Variants in PDE8B observed in about 807,000 individuals in gnomAD.
PDE8B encodes phosphodiesterase 8B.
PDE8B carries 26 observed loss-of-function variants against 101.3 expected under a neutral mutation model. That is an observed-to-expected ratio of 0.26 (90% CI 0.19 to 0.36). The LOEUF (loss-of-function observed/expected upper bound fraction) is 0.36, where lower values mean the gene tolerates loss of function less well. PDE8B is among the 10% of genes least tolerant of loss of function. The pLI is 1.00. For synonymous variants in PDE8B, 424 were observed against 429.3 expected (o/e 0.99, Z 0.15); for missense variants, 810 against 1,163.1 (o/e 0.70, Z 4.42).
At chr5:77,269,439 G>T (rs1419061694) in intron 1 of PDE8B, among the ~76,000 whole-genome samples, 1 of 152,102 alleles carries the variant, frequency 6.6e-6, no homozygotes, top group African/African-American at 2.4e-5. Flanking sequence ...TCTTCACTTT[G>T]TTGATTGTTT....
chr5:77,290,542 C>T (rs902310496), intron 1 of PDE8B: 66 of 1,480,430 alleles, frequency 4.5e-5, no homozygotes, highest in Non-Finnish European at 5.8e-5. Flanking sequence ...ATTGACGATG[C>T]CTTGTGGGAG....
At chr5:77,389,660 C>T (rs1041312690) in intron 10 of PDE8B, among the ~76,000 whole-genome samples, 1 of 152,154 alleles carries the variant, frequency 6.6e-6, no homozygotes, top group Non-Finnish European at 1.5e-5. Context: ...CCATCCTGCT[C>T]GCCCCCAGAG....
chr5:77,103,154 C>T, the PDE8B span, among the ~76,000 whole-genome samples: 1 of 152,294 alleles, frequency 6.6e-6, no homozygotes, highest in Non-Finnish European at 1.5e-5. Context: ...GGGAGTCAAG[C>T]ACATTGATCT....
At chr5:77,416,223 C>T (rs975808994) in intron 17 of PDE8B, among the ~76,000 whole-genome samples, 2 of 152,200 alleles carry the variant, frequency 1.3e-5, no homozygotes, top group African/African-American at 4.8e-5. Context: ...GAAGGAAAGG[C>T]ATGTTTCATC....
intron 9 of PDE8B, among the ~76,000 whole-genome samples, chr5:77,353,042 A>G (rs1035627951): frequency 3.3e-5 from 5 of 152,252 alleles, no homozygotes; most frequent in Admixed American, 2.6e-4. Context: ...TTGTAGCAGC[A>G]TTTTATCCTA....
In PDE8B at chr5:77,400,264, G is replaced by T. The variant is rs200569914; in HGVS notation, c.1184G>T (p.Arg395Leu). 1 of 1,604,210 alleles carries T rather than the reference G, an allele frequency of 6.2e-7. No individual in the cohort carries two copies. The highest frequency in any genetic ancestry group is 2.2e-5 in the East Asian group (1 of 44,808). Reference sequence around the variant, plus strand: ...CGACTTTAGATTCACAAGATTCATCGTGATTCAGGAGACAATTCTCAGACA... The same window carrying T: ...CGACTTTAGATTCACAAGATTCATCTTGATTCAGGAGACAATTCTCAGACA... ...DNNKQIHKIH[R>L]DSGDNSQTEP... Residue 395 changes from arginine to leucine, a missense_variant, in exon 11 of 22, where the codon CGT becomes CTT. By Grantham distance (102) the Arg-to-Leu change is moderately radical. Transcript: ENST00000264917.
chr5:77,406,603 C>T (rs1232996382), intron 12 of PDE8B, among the ~76,000 whole-genome samples: 3 of 152,098 alleles, frequency 2.0e-5, no homozygotes, highest in Non-Finnish European at 2.9e-5. Context: ...AGCGGGGGGA[C>T]CCCAGAGGTG....
At chr5:77,187,503 C>T in the PDE8B span, among the ~76,000 whole-genome samples, 1 of 152,030 alleles carries the variant, frequency 6.6e-6, no homozygotes, top group African/African-American at 2.4e-5. Context: ...AGTGAGCGGC[C>T]AGTGGGAGCA....
the PDE8B span, among the ~76,000 whole-genome samples, chr5:77,171,655 A>G: frequency 2.0e-5 from 3 of 152,164 alleles, no homozygotes; most frequent in African/African-American, 7.2e-5. Context: ...GTGAGGGCTT[A>G]TTTACACAGG....
At chr5:77,303,222 G>A (rs1416020507) in intron 1 of PDE8B, among the ~76,000 whole-genome samples, 1 of 152,066 alleles carries the variant, frequency 6.6e-6, no homozygotes, top group Non-Finnish European at 1.5e-5. Flanking sequence ...AAACACCCAT[G>A]TACTCACTAT....
chr5:77,271,611 A>C (rs187693306), intron 1 of PDE8B, among the ~76,000 whole-genome samples: 78 of 152,314 alleles, frequency 5.1e-4, no homozygotes, highest in Non-Finnish European at 9.1e-4. Context: ...ACATTAGTAA[A>C]ATAGGGAATA....
At chr5:77,090,634 G>A in the PDE8B span, among the ~76,000 whole-genome samples, 1 of 152,174 alleles carries the variant, frequency 6.6e-6, no homozygotes, top group Admixed American at 6.5e-5. Flanking sequence ...ATATATATGA[G>A]ATCATGCAGT....
chr5:77,369,862 C>T (rs1784779329), intron 10 of PDE8B, among the ~76,000 whole-genome samples: 1 of 152,082 alleles, frequency 6.6e-6, no homozygotes, highest in African/African-American at 2.4e-5. Context: ...AAAAGACACC[C>T]AGAGCTCACC....
rs755455464 is a variant in PDE8B at position 77,210,913 on chromosome 5, G to C, written c.-13G>C. 79 of 1,374,702 alleles carry C rather than the reference G, an allele frequency of 5.7e-5. 1 individual carries two copies. Among genetic ancestry groups the C allele is most frequent in the Non-Finnish European group, 6.6e-5 (70 of 1,063,408 alleles). 85.2% of individuals were successfully genotyped at this position (1,374,702 alleles called of 1,614,324 possible). A position where few individuals can be genotyped will look rare whatever the true frequency, so the allele number is the denominator to read the frequency against. Reference sequence around the variant, plus strand: ...CGGGCGCGGGCGGGCGCGCGGGGGAGCCCGGCCGAGGGATGGGCTGCGCCC... The same window carrying C: ...CGGGCGCGGGCGGGCGCGCGGGGGACCCCGGCCGAGGGATGGGCTGCGCCC... On this transcript the variant is annotated 5_prime_UTR_variant, in exon 1 of 22. Transcript: ENST00000264917. The surrounding 1 kb of genome is among the most constrained non-coding windows in gnomAD (Gnocchi z 4.9).
chr5:77,191,736 C>G, the PDE8B span, among the ~76,000 whole-genome samples: 1 of 152,072 alleles, frequency 6.6e-6, no homozygotes. Context: ...TTCCACAGAT[C>G]GAAGGTGGGG....
intron 2 of PDE8B, among the ~76,000 whole-genome samples, chr5:77,316,783 A>G (rs1424120774): frequency 1.3e-5 from 2 of 152,180 alleles, no homozygotes; most frequent in South Asian, 2.1e-4. Context: ...ATTGAATATC[A>G]TAAACTCATA....
chr5:77,374,719 T>C (rs1467354873), intron 10 of PDE8B, among the ~76,000 whole-genome samples: 1 of 152,228 alleles, frequency 6.6e-6, no homozygotes, highest in East Asian at 1.9e-4. Context: ...TTGCCTTAAA[T>C]GCATGTGTTT....
At chr5:77,101,466 T>A in the PDE8B span, among the ~76,000 whole-genome samples, 9 of 152,132 alleles carry the variant, frequency 5.9e-5, no homozygotes, top group Non-Finnish European at 1.3e-4. Flanking sequence ...ATGATTCAGT[T>A]CATCCAAAAT....
chr5:77,380,690 A>G (rs1787280720), intron 10 of PDE8B, among the ~76,000 whole-genome samples: 1 of 152,246 alleles, frequency 6.6e-6, no homozygotes, highest in Admixed American at 6.5e-5. Context: ...AGCACTGGGT[A>G]TACAAAGGTA....
Sources: allele counts gnomAD v4.1 joint callset (sites outside exome capture counted in the v4.1 genomes callset), GRCh38; gene constraint gnomAD v4.1.1; non-coding constraint Gnocchi (gnomAD v3.1); transcripts MANE v1.5; gene names NCBI Gene and HGNC (gene_info 2026-07-23, HGNC 2026-07-21).